Variants in TRIM66 observed in about 807,000 individuals in gnomAD.
TRIM66 encodes tripartite motif-containing protein 66.
In TRIM66, 99 loss-of-function variants were observed where a neutral mutation model predicts 148.2. The ratio of observed to expected loss-of-function variants is 0.67; its 90% CI spans 0.57 to 0.79. The LOEUF (loss-of-function observed/expected upper bound fraction) is 0.79. Ranked by LOEUF, TRIM66 falls within the 30% of genes least tolerant of loss-of-function variation. The probability of loss-of-function intolerance (pLI) is 0.00; values close to 1 mark genes in which losing one functional copy is unlikely to be tolerated. For synonymous variants in TRIM66, 616 were observed against 635.9 expected (o/e 0.97, Z 0.47); for missense variants, 1,666 against 1,697.9 (o/e 0.98, Z 0.33).
intron 6 of TRIM66, among the ~76,000 whole-genome samples, chr11:8,658,517 T>C (rs964161237): frequency 6.6e-6 from 1 of 152,164 alleles, no homozygotes; most frequent in Admixed American, 6.5e-5. Flanking sequence ...ATAGAGCTCA[T>C]CACAACAACA....
chr11:8,649,382 G>A (rs2037150671), intron 8 of TRIM66, among the ~76,000 whole-genome samples: 1 of 152,078 alleles, frequency 6.6e-6, no homozygotes, highest in South Asian at 2.1e-4. Flanking sequence ...AGATGGTGCT[G>A]GGTAGACAAA....
intron 20 of TRIM66, among the ~76,000 whole-genome samples, 152 bp from the exon 21 acceptor site, chr11:8,620,724 A>G (rs1008626377): frequency 2.6e-5 from 4 of 152,244 alleles, no homozygotes; most frequent in East Asian, 1.9e-4. Context: ...AAGAAATTCA[A>G]TAACTCAGAA....
chr11:8,671,633 G>C (rs1285688938), intron 6 of TRIM66, 153 bp downstream of exon 6: 2 of 602,096 alleles, frequency 3.3e-6, no homozygotes, highest in Non-Finnish European at 5.9e-6. Context: ...GATTCACTCT[G>C]TCTCACAGAT....
intron 23 of TRIM66, 175 bp from the exon 24 acceptor site, chr11:8,619,143 G>A: frequency 1.4e-6 from 1 of 730,772 alleles, no homozygotes; most frequent in Non-Finnish European, 2.2e-6. Context: ...TCTTATAGCA[G>A]AAGTGACCCC....
At chr11:8,624,641 A>G in intron 16 of TRIM66, 72 bp downstream of exon 16, 1 of 1,476,368 alleles carries the variant, frequency 6.8e-7, no homozygotes, top group South Asian at 1.4e-5. Flanking sequence ...GGTCAGAATA[A>G]GGGTCCCAGT....
upstream of TRIM66, chr11:8,682,979 C>G (rs756295878): frequency 1.5e-5 from 15 of 1,021,970 alleles, 1 homozygote; most frequent in Middle Eastern, 4.3e-4. Flanking sequence ...GCGGGGCTCC[C>G]GGAGCCGTGT....
intron 10 of TRIM66, among the ~76,000 whole-genome samples, chr11:8,647,096 T>TGTTTATTATAAACATATA (rs1412009488): frequency 5.2e-4 from 77 of 149,394 alleles, no homozygotes; most frequent in East Asian, 1.9e-3. Flanking sequence ...AAACATATAA[T>TGTTTATTATAAACATATA]ATAATGTTTA....
chr11:8,630,942 C>T (rs2035334466), intron 15 of TRIM66, among the ~76,000 whole-genome samples: 2 of 152,168 alleles, frequency 1.3e-5, no homozygotes, highest in South Asian at 4.1e-4. Flanking sequence ...TCTGCTTGAC[C>T]TGTGCTCTGT....
intron 15 of TRIM66, among the ~76,000 whole-genome samples, chr11:8,629,878 G>A (rs1044653111): frequency 3.9e-5 from 6 of 152,302 alleles, no homozygotes; most frequent in East Asian, 3.9e-4. Context: ...AAATTTCCAC[G>A]GAGGAAGGGA....
At chr11:8,666,935 G>A (rs528562087) in intron 6 of TRIM66, among the ~76,000 whole-genome samples, 24 of 152,174 alleles carry the variant, frequency 1.6e-4, no homozygotes, top group African/African-American at 2.9e-4. Context: ...TGAGCCTCCC[G>A]AGTAGCTGGT....
Position 8,618,974 on chromosome 11 carries a change from G to C in TRIM66, c.3901-6C>G, listed in dbSNP as rs117764643. 1 of 1,550,854 alleles carries C rather than the reference G, an allele frequency of 6.4e-7. No individual in the cohort carries two copies. Among genetic ancestry groups the C allele is most frequent in the Non-Finnish European group, 8.7e-7 (1 of 1,146,452 alleles). ...TCTGCAACCTCGGAGTCAGGCTGAT[G>C]GGGGAGGAGAGCAGTGATGGTCTAG... On this transcript the variant is annotated splice_polypyrimidine_tract_variant and splice_region_variant and intron_variant, in intron 23 of 24. Transcript: ENST00000646038.
chr11:8,652,009 C>G (rs530417449), intron 6 of TRIM66, 106 bp from the exon 7 acceptor site: 1 of 841,942 alleles, frequency 1.2e-6, no homozygotes, highest in Non-Finnish European at 1.8e-6. Context: ...ATGGCAATAC[C>G]CATGTGTGCC....
At chr11:8,660,352 C>T (rs1045398244) in intron 6 of TRIM66, among the ~76,000 whole-genome samples, 2 of 152,164 alleles carry the variant, frequency 1.3e-5, no homozygotes, top group Non-Finnish European at 1.5e-5. Flanking sequence ...CCTGGGAGTC[C>T]CTTGCACATT....
Position 8,672,023 on chromosome 11 carries a change from C to T in TRIM66, c.103G>A (p.Gly35Ser). Residue 35 changes from glycine to serine, a missense_variant, in exon 6 of 25, where the codon GGC becomes AGC. Around this residue, in one of 3 missense-constraint regions of TRIM66, gnomAD observed 1,431 missense variants for 1,412.4 expected, o/e 1.01. Transcript: ENST00000646038. ...ISGKAPVLGTGMAVDMGMSFM... is the reference protein window; with the variant it reads ...ISGKAPVLGTSMAVDMGMSFM... ...CTCATGCCCATGTCCACAGCCATGC[C>T]TGTGCCCAGGACTGGGGCTTTTCCA... The T allele has an allele frequency of 1.3e-6, 2 of 1,536,006 alleles. No homozygotes were observed. Among genetic ancestry groups the T allele is most frequent in the Non-Finnish European group, 1.7e-6 (2 of 1,146,922 alleles).
chr11:8,635,446 C>G (rs2035792112), intron 15 of TRIM66, among the ~76,000 whole-genome samples: 1 of 152,186 alleles, frequency 6.6e-6, no homozygotes. Flanking sequence ...CCACCCTGCC[C>G]AACCCCAGCT....
intron 15 of TRIM66, among the ~76,000 whole-genome samples, chr11:8,626,223 C>T (rs2034833117): frequency 6.6e-6 from 1 of 151,912 alleles, no homozygotes; most frequent in Admixed American, 6.6e-5. Flanking sequence ...CATATCCCTG[C>T]CCTTTAAAAA....
chr11:8,660,163 C>G (rs141079253), intron 6 of TRIM66, among the ~76,000 whole-genome samples: 1 of 152,238 alleles, frequency 6.6e-6, no homozygotes. Context: ...TGGCTCCCCA[C>G]TGTCCACAGA....
intron 1 of TRIM66, among the ~76,000 whole-genome samples, chr11:8,681,892 C>T (rs201491923): frequency 6.6e-6 from 1 of 151,960 alleles, no homozygotes; most frequent in Non-Finnish European, 1.5e-5. Context: ...TATGTAGATT[C>T]TGGAGAAAAT....
At chr11:8,676,136 C>T (rs2039166764) in intron 3 of TRIM66, among the ~76,000 whole-genome samples, 1 of 151,882 alleles carries the variant, frequency 6.6e-6, no homozygotes, top group Non-Finnish European at 1.5e-5. Context: ...CACAGAACAT[C>T]AAAAAGAAAT....
Sources: gnomAD v4.1 joint callset for allele counts (sites outside exome capture counted in the v4.1 genomes callset) on GRCh38, gnomAD v4.1.1 for gene constraint, gnomAD v4.1.1 regional missense constraint, MANE v1.5 for transcripts, NCBI Gene and HGNC (gene_info 2026-07-23, HGNC 2026-07-21) for gene names.